KLHL29: variants seen among roughly 807,000 people sequenced by gnomAD.
The protein encoded by KLHL29 is kelch like family member 29.
Under a neutral mutation model 80.4 loss-of-function variants are expected in KLHL29, and 21 were observed. The ratio of observed to expected loss-of-function variants is 0.26; its 90% CI spans 0.19 to 0.38. The LOEUF (loss-of-function observed/expected upper bound fraction) is 0.38, where lower values mean the gene tolerates loss of function less well. Ranked by LOEUF, KLHL29 falls within the 10% of genes least tolerant of loss-of-function variation. KLHL29 has a pLI of 1.00. For synonymous variants in KLHL29, 511 were observed against 526.8 expected, an observed-to-expected ratio of 0.97 and a Z score of 0.41; for missense variants, 867 against 1,223.9, an observed-to-expected ratio of 0.71 and a Z score of 4.35.
intron 3 of KLHL29, among the ~76,000 whole-genome samples, chr2:23,602,483 G>A (rs1394412195): frequency 1.3e-5 from 2 of 152,200 alleles, no homozygotes; most frequent in Admixed American, 6.5e-5. Context: ...AGAGTCCTGT[G>A]TGAGGCCAGT....
intron 1 of KLHL29, among the ~76,000 whole-genome samples, chr2:23,409,800 G>A (rs755794646): frequency 6.6e-6 from 1 of 152,202 alleles, no homozygotes; most frequent in Non-Finnish European, 1.5e-5. Context: ...AGTGCAAAAG[G>A]CAATAAACAC....
rs182655966 is a variant in KLHL29, at chr2:23,562,957, T to C, written c.285+476T>C. On this transcript the variant is annotated intron_variant, in intron 3 of 13. Coordinates refer to ENST00000486442, the MANE Select transcript of KLHL29 (RefSeq NM_052920.2). This position sits in a 1 kb window ranked among gnomAD's most constrained non-coding sequence, Gnocchi z 4.5. ...TCGTGTTCTCATATCCGTTGTCTCT[T>C]CTGAGCCTTGCCACAGCACGGTGAG... Among the ~76,000 whole-genome samples, 29 of 152,324 alleles carry C rather than the reference T, an allele frequency of 1.9e-4. 1 individual carries two copies. Among genetic ancestry groups the C allele is most frequent in the African/African-American group, 6.5e-4 (27 of 41,566 alleles).
chr2:23,663,899 A>C (rs1670486360), intron 5 of KLHL29, among the ~76,000 whole-genome samples: 1 of 152,194 alleles, frequency 6.6e-6, no homozygotes, highest in Non-Finnish European at 1.5e-5. Flanking sequence ...TTTTACTATG[A>C]TCTATTGTGT....
At chr2:23,499,667 A>C (rs893375903) in intron 2 of KLHL29, among the ~76,000 whole-genome samples, 6 of 152,232 alleles carry the variant, frequency 3.9e-5, no homozygotes, top group African/African-American at 1.4e-4. Context: ...TTGGGCACAC[A>C]GAGACAGCAC....
intron 3 of KLHL29, among the ~76,000 whole-genome samples, chr2:23,586,515 A>G (rs1409696219): frequency 2.6e-5 from 4 of 151,634 alleles, no homozygotes; most frequent in Admixed American, 2.6e-4. Context: ...ACCTGCCACC[A>G]TGCCCGGCTA....
chr2:23,527,317 A>T (rs1004444819), intron 2 of KLHL29, among the ~76,000 whole-genome samples: 1 of 151,642 alleles, frequency 6.6e-6, no homozygotes, highest in African/African-American at 2.4e-5. Flanking sequence ...CCTCAGAATC[A>T]CGCCCCCCAG....
chr2:23,677,467 G>A (rs1670954788), intron 5 of KLHL29, among the ~76,000 whole-genome samples: 2 of 152,244 alleles, frequency 1.3e-5, no homozygotes, highest in Admixed American at 1.3e-4. Context: ...AGGAGGGTTT[G>A]CCTGCATAGG....
chr2:23,430,918 G>C (rs1187945073), intron 1 of KLHL29, among the ~76,000 whole-genome samples: 1 of 152,198 alleles, frequency 6.6e-6, no homozygotes, highest in Non-Finnish European at 1.5e-5. Flanking sequence ...ATTAATTCTT[G>C]ACAAACACAG....
At chr2:23,459,760 G>C (rs1410825927) in intron 1 of KLHL29, among the ~76,000 whole-genome samples, 2 of 152,176 alleles carry the variant, frequency 1.3e-5, no homozygotes, top group Admixed American at 6.5e-5. Flanking sequence ...TGCTTTCAAG[G>C]AGTGGCCACC....
intron 1 of KLHL29, among the ~76,000 whole-genome samples, chr2:23,422,411 G>T (rs1205582922): frequency 6.6e-6 from 1 of 151,374 alleles, no homozygotes; most frequent in South Asian, 2.1e-4. Flanking sequence ...CTATGTGTCT[G>T]TGTTGTGTGT....
At chr2:23,620,997 C>T (rs1335217054) in intron 3 of KLHL29, among the ~76,000 whole-genome samples, 1 of 152,232 alleles carries the variant, frequency 6.6e-6, no homozygotes, top group Admixed American at 6.5e-5. Context: ...TTCAGGGAGC[C>T]AGGCGGAAGG....
At chr2:23,674,671 A>C (rs1670873515) in intron 5 of KLHL29, among the ~76,000 whole-genome samples, 1 of 152,194 alleles carries the variant, frequency 6.6e-6, no homozygotes, top group South Asian at 2.1e-4. Context: ...CTATGAGCAC[A>C]GGAGGAGGAG....
intron 3 of KLHL29, among the ~76,000 whole-genome samples, chr2:23,597,052 T>C (rs1004479701): frequency 6.6e-6 from 1 of 152,110 alleles, no homozygotes; most frequent in Non-Finnish European, 1.5e-5. Context: ...GGCTCTGCTT[T>C]TGGGGGACAA....
At chr2:23,704,700 GA>G (rs1672608973) in intron 13 of KLHL29, among the ~76,000 whole-genome samples, 1 of 152,192 alleles carries the variant, frequency 6.6e-6, no homozygotes, top group African/African-American at 2.4e-5. Context: ...CCGGGAGGCG[GA>G]GGTTGCAGTG....
intron 5 of KLHL29, among the ~76,000 whole-genome samples, chr2:23,673,965 C>T (rs1250696731): frequency 2.6e-5 from 4 of 152,202 alleles, no homozygotes; most frequent in East Asian, 1.9e-4. Flanking sequence ...GACCTTCAGT[C>T]CCTAACATGG....
In KLHL29 at chr2:23,560,263, C is replaced by CTT. The variant is rs67065961; in HGVS notation, c.-45-1864_-45-1863dup. On this transcript the variant is annotated intron_variant, in intron 2 of 13. Transcript: ENST00000486442. ...TTTTAACCATGTAATATTGGATAGG[C>CTT]TTTTTTTTTTTTTTTTTTTTTTTTT... Among the ~76,000 whole-genome samples the CTT allele has an allele frequency of 8.1e-4, 59 of 73,272 alleles. 2 individuals are homozygous for CTT. The highest frequency in any genetic ancestry group is 2.2e-3 in the African/African-American group (37 of 16,684). The allele number at this position is 73,272 out of a possible 152,430, so 48.1% of individuals were successfully genotyped here.
intron 3 of KLHL29, among the ~76,000 whole-genome samples, chr2:23,618,855 G>C (rs1425775008): frequency 6.6e-6 from 1 of 152,168 alleles, no homozygotes; most frequent in Non-Finnish European, 1.5e-5. Context: ...GGAGAAGAAA[G>C]GGTGACTGAA....
chr2:23,639,314 GC>G, intron 4 of KLHL29, 34 bp downstream of exon 4: 5 of 1,538,822 alleles, frequency 3.2e-6, no homozygotes, highest in Non-Finnish European at 4.4e-6. Flanking sequence ...AAACGACTGA[GC>G]CCAGGGCTTG....
chr2:23,566,922 C>G (rs1558391052), intron 3 of KLHL29, among the ~76,000 whole-genome samples: 1 of 152,252 alleles, frequency 6.6e-6, no homozygotes, highest in Non-Finnish European at 1.5e-5. Context: ...CTGTCCCCCC[C>G]TGGTGGTTGG....
Sources: allele counts gnomAD v4.1 joint callset (sites outside exome capture counted in the v4.1 genomes callset), GRCh38; gene constraint gnomAD v4.1.1; non-coding constraint Gnocchi (gnomAD v3.1); transcripts MANE v1.5; gene names NCBI Gene and HGNC (gene_info 2026-07-23, HGNC 2026-07-21).